The following SBF2 variants were observed in gnomAD, a reference collection of about 807,000 sequenced individuals.
SBF2 encodes the protein myotubularin-related protein 13.
A neutral mutation model predicts 225.2 loss-of-function variants in SBF2; 112 were observed. The observed-to-expected ratio is 0.50, with a 90% CI of 0.43 to 0.58. The LOEUF (loss-of-function observed/expected upper bound fraction) is 0.58. Among genes scored for constraint, SBF2 ranks in the 20% least tolerant of loss-of-function variants. The pLI, the probability that SBF2 is intolerant of heterozygous loss-of-function variation, is 0.00. For missense variants in SBF2, 1,996 were observed against 2,206.2 expected, an observed-to-expected ratio of 0.90 and a Z score of 1.91; for synonymous variants, 763 against 773.3, an observed-to-expected ratio of 0.99 and a Z score of 0.22.
At chr11:10,193,742 C>CT in intron 2 of SBF2, among the ~76,000 whole-genome samples, 160 bp downstream of exon 2, 1 of 152,066 alleles carries the variant, frequency 6.6e-6, no homozygotes, top group Non-Finnish European at 1.5e-5. Context: ...GATGACCGTA[C>CT]TTGAGGGACT....
intron 17 of SBF2, among the ~76,000 whole-genome samples, chr11:9,881,981 T>G (rs2134085956): frequency 6.6e-6 from 1 of 152,194 alleles, no homozygotes; most frequent in East Asian, 1.9e-4. Context: ...GAGTGAGACC[T>G]TGTGTTTAAA....
intron 2 of SBF2, among the ~76,000 whole-genome samples, chr11:10,129,722 C>T (rs765653398): frequency 1.3e-5 from 2 of 152,186 alleles, no homozygotes; most frequent in East Asian, 3.9e-4. Context: ...CTACGGACAG[C>T]GTCTTTAATC....
In SBF2 at chr11:10,175,523, C is replaced by T. The variant is rs1327745850; in HGVS notation, c.141+18379G>A. On this transcript the variant is annotated intron_variant, in intron 2 of 39. Coordinates refer to ENST00000256190, the MANE Select transcript of SBF2 (RefSeq NM_030962.4). Reference sequence around the variant, plus strand: ...CCAGATTCATAAAGCAAGTCCTGAGCGACCTACAAAGAGACTTAGACTCCC... The same window carrying T: ...CCAGATTCATAAAGCAAGTCCTGAGTGACCTACAAAGAGACTTAGACTCCC... Among the ~76,000 whole-genome samples the T allele has an allele frequency of 3.0e-3, 455 of 150,698 alleles. 4 individuals carry two copies. Among genetic ancestry groups the T allele is most frequent in the South Asian group, 0.023 (106 of 4,530 alleles).
rs142759083 is a variant in SBF2, at chr11:9,902,825, T to C, written c.1861-6814A>G. 1.0e-3 allele frequency among the ~76,000 whole-genome samples: 152 copies of C among 152,086 alleles called. 3 individuals carry two copies. In the East Asian group the frequency reaches 0.024, roughly 24 times the overall value. ...AGCATAGACTTTCTAAGGGAGTGGA[T>C]TGGAGTTAGATTTTGATAGATTTTG... On this transcript the variant is annotated intron_variant, in intron 16 of 39. Coordinates refer to ENST00000256190, the MANE Select transcript of SBF2 (RefSeq NM_030962.4).
At chr11:10,215,139 C>T (rs529316129) in intron 1 of SBF2, among the ~76,000 whole-genome samples, 2 of 152,282 alleles carry the variant, frequency 1.3e-5, no homozygotes, top group Admixed American at 6.5e-5. Flanking sequence ...TTCTACTTTT[C>T]TCATAATCTA....
chr11:9,865,729 T>TG (rs1331512995), intron 17 of SBF2, among the ~76,000 whole-genome samples: 2 of 121,608 alleles, frequency 1.6e-5, no homozygotes, highest in Non-Finnish European at 1.7e-5. Flanking sequence ...CGGGAGGCGT[T>TG]GGGGGGCGAA....
intron 16 of SBF2, among the ~76,000 whole-genome samples, chr11:9,898,767 G>A (rs749613413): frequency 1.3e-5 from 2 of 152,050 alleles, no homozygotes; most frequent in Non-Finnish European, 2.9e-5. Context: ...GTAAAAGATA[G>A]GCTCAAGCTT....
At chr11:10,035,444 C>T (rs1291645331) in intron 3 of SBF2, among the ~76,000 whole-genome samples, 7 of 152,244 alleles carry the variant, frequency 4.6e-5, no homozygotes, top group Middle Eastern at 3.4e-3. Context: ...AGCTTCTGCA[C>T]AGCAAAAGAA....
At chr11:10,170,322 G>C (rs1451623870) in intron 2 of SBF2, among the ~76,000 whole-genome samples, 1 of 152,078 alleles carries the variant, frequency 6.6e-6, no homozygotes, top group Non-Finnish European at 1.5e-5. Flanking sequence ...AGAAAGAGGG[G>C]TCTAGTTTCT....
chr11:9,784,266 C>T, intron 38 of SBF2, 85 bp downstream of exon 38: 1 of 1,010,810 alleles, frequency 9.9e-7, no homozygotes, highest in Non-Finnish European at 1.6e-6. Context: ...CATGAGGAAT[C>T]TATCTGTCTG....
intron 2 of SBF2, among the ~76,000 whole-genome samples, chr11:10,193,563 A>G (rs944308306): frequency 6.6e-6 from 1 of 152,022 alleles, no homozygotes; most frequent in Non-Finnish European, 1.5e-5. Context: ...CCGTGTTACC[A>G]GGATGGTATC....
intron 2 of SBF2, among the ~76,000 whole-genome samples, chr11:10,129,544 T>G (rs1228844870): frequency 6.6e-6 from 1 of 152,178 alleles, no homozygotes; most frequent in Non-Finnish European, 1.5e-5. Flanking sequence ...CCTAATTAGA[T>G]CCTCCTTTAA....
At chr11:9,904,128 T>G (rs1042135665) in intron 16 of SBF2, among the ~76,000 whole-genome samples, 2 of 151,992 alleles carry the variant, frequency 1.3e-5, no homozygotes, top group African/African-American at 4.8e-5. Context: ...ATAACACAAA[T>G]GGACCAAATG....
intron 1 of SBF2, among the ~76,000 whole-genome samples, chr11:10,234,301 G>A (rs938603604): frequency 1.3e-5 from 2 of 151,876 alleles, no homozygotes; most frequent in Non-Finnish European, 2.9e-5. Flanking sequence ...TTTTTTTCCT[G>A]AGCCAGTTTC....
chr11:9,930,869 AC>A (rs1864443536), intron 16 of SBF2, among the ~76,000 whole-genome samples: 1 of 152,194 alleles, frequency 6.6e-6, no homozygotes, highest in South Asian at 2.1e-4. Flanking sequence ...GACAGACTGC[AC>A]CTGGAAAAAC....
intron 1 of SBF2, among the ~76,000 whole-genome samples, chr11:10,245,639 T>G (rs974637903): frequency 2.6e-5 from 4 of 152,146 alleles, no homozygotes; most frequent in African/African-American, 9.7e-5. Context: ...CAATCTCACT[T>G]CCAGATATAT....
In SBF2 at chr11:9,825,189, T is replaced by A. The variant is rs551704484; in HGVS notation, c.3793+4167A>T. Among the ~76,000 whole-genome samples the A allele has an allele frequency of 3.3e-5, 5 of 152,052 alleles. No individual in the cohort carries two copies. In the East Asian group the frequency reaches 9.6e-4, roughly 29 times the overall value. On this transcript the variant is annotated intron_variant, in intron 28 of 39. Coordinates refer to ENST00000256190, the MANE Select transcript of SBF2 (RefSeq NM_030962.4). Reference sequence around the variant, plus strand: ...TGGGCCCCTAATTCAATATGACTGGTGTACTTATAAAAGGAGAAATTTGGA... The same window carrying A: ...TGGGCCCCTAATTCAATATGACTGGAGTACTTATAAAAGGAGAAATTTGGA...
chr11:10,011,314 C>T (rs537672323), intron 6 of SBF2, among the ~76,000 whole-genome samples: 1 of 152,122 alleles, frequency 6.6e-6, no homozygotes, highest in African/African-American at 2.4e-5. Flanking sequence ...GCAACCTCTG[C>T]CTCCCAGGTT....
chr11:9,931,480 G>C (rs1187475620), intron 16 of SBF2, among the ~76,000 whole-genome samples: 1 of 152,200 alleles, frequency 6.6e-6, no homozygotes, highest in Non-Finnish European at 1.5e-5. Flanking sequence ...TGATACTCAG[G>C]CAAACAGGGT....
Sources: allele counts gnomAD v4.1 joint callset (sites outside exome capture counted in the v4.1 genomes callset), GRCh38; gene constraint gnomAD v4.1.1; transcripts MANE v1.5; gene names NCBI Gene and HGNC (gene_info 2026-07-23, HGNC 2026-07-21).